ERBB4: variants seen among roughly 807,000 people sequenced by gnomAD.
ERBB4 encodes the protein receptor tyrosine-protein kinase erbB-4.
ERBB4 carries 42 observed loss-of-function variants against 158.0 expected under a neutral mutation model. That is an observed-to-expected ratio of 0.27 (90% CI 0.21 to 0.34). The LOEUF (loss-of-function observed/expected upper bound fraction) is 0.34. Ranked by LOEUF, ERBB4 falls within the 10% of genes least tolerant of loss-of-function variation. The pLI is 1.00. For missense variants in ERBB4, 1,333 were observed against 1,624.1 expected (o/e 0.82, Z 3.08); for synonymous variants, 583 against 558.7 (o/e 1.04, Z -0.61).
At chr2:211,899,214 G>A (rs1304693634) in intron 3 of ERBB4, among the ~76,000 whole-genome samples, 1 of 152,044 alleles carries the variant, frequency 6.6e-6, no homozygotes, top group Non-Finnish European at 1.5e-5. Context: ...AAACTTATGA[G>A]CACTCAAGGA....
rs565783881 is a variant in ERBB4 at position 212,444,085 on chromosome 2, A to G, written c.82+94364T>C. ...ACATGAGGAAGTGGCTCAAATGCCC[A>G]TGGTCTCCACTCCTGCTACCCTCCT... is the stretch of plus-strand genomic sequence containing the variant. On this transcript the variant is annotated intron_variant, in intron 1 of 27. Coordinates refer to ENST00000342788, the MANE Select transcript of ERBB4 (RefSeq NM_005235.3). Among the ~76,000 whole-genome samples the G allele has an allele frequency of 1.6e-4, 24 of 152,256 alleles. No individual in the cohort carries two copies. The East Asian group carries it at 3.7e-3, about 23-fold the overall frequency.
intron 1 of ERBB4, among the ~76,000 whole-genome samples, chr2:212,476,863 G>A (rs569026031): frequency 6.6e-6 from 1 of 152,040 alleles, no homozygotes; most frequent in African/African-American, 2.4e-5. Context: ...GCATCATCAC[G>A]AAGCAAAACC....
At chr2:212,133,406 TGTTTTGTTTTGTTTTTG>T (rs2080169254) in intron 1 of ERBB4, among the ~76,000 whole-genome samples, 1 of 57,356 alleles carries the variant, frequency 1.7e-5, no homozygotes, top group African/African-American at 3.5e-5. Flanking sequence ...GTTTTTTTTT[TGTTTTGTTTTGTTTTTG>T]TTTTTTTTTT....
chr2:212,514,944 T>G (rs980595554), intron 1 of ERBB4, among the ~76,000 whole-genome samples: 2 of 152,184 alleles, frequency 1.3e-5, no homozygotes, highest in African/African-American at 4.8e-5. Context: ...TTTTGAAAGA[T>G]TAACAGCTTC....
intron 19 of ERBB4, among the ~76,000 whole-genome samples, chr2:211,587,033 A>C (rs1038339473): frequency 6.6e-6 from 1 of 152,160 alleles, no homozygotes; most frequent in East Asian, 1.9e-4. Flanking sequence ...AAATCAAAAA[A>C]TTAAGTTGAA....
chr2:212,245,673 A>G (rs946105472), intron 1 of ERBB4, among the ~76,000 whole-genome samples: 2 of 152,130 alleles, frequency 1.3e-5, no homozygotes, highest in Non-Finnish European at 2.9e-5. Flanking sequence ...AAGGCCTGAT[A>G]TCAACTGCTG....
intron 1 of ERBB4, among the ~76,000 whole-genome samples, chr2:212,136,939 T>A (rs1294402769): frequency 6.6e-6 from 1 of 152,164 alleles, no homozygotes; most frequent in Non-Finnish European, 1.5e-5. Context: ...CATAGTCACA[T>A]TATTCTCTTG....
chr2:211,888,998 G>T (rs1402990021), intron 3 of ERBB4, among the ~76,000 whole-genome samples: 1 of 147,702 alleles, frequency 6.8e-6, no homozygotes, highest in Admixed American at 6.6e-5. Context: ...GCCCAGGCTT[G>T]CTTAGGTAAA....
intron 1 of ERBB4, among the ~76,000 whole-genome samples, chr2:212,173,533 C>G (rs1012747): frequency 0.88 from 134,039 of 152,156 alleles, 60,393 homozygotes; most frequent in African/African-American, 0.97. Context: ...GGCTAGAGCT[C>G]CCTAAAACAA....
chr2:212,193,027 C>T (rs150558964), intron 1 of ERBB4, among the ~76,000 whole-genome samples: 10 of 152,246 alleles, frequency 6.6e-5, no homozygotes, highest in East Asian at 1.9e-4. Context: ...TTACAATTAA[C>T]GGCAGGAAAA....
In ERBB4 at chr2:211,446,480, T is replaced by C. The variant is rs549853017; in HGVS notation, c.2488-15380A>G. 2.0e-5 allele frequency among the ~76,000 whole-genome samples: 3 copies of C among 152,224 alleles called. No individual in the cohort carries two copies. The South Asian group carries it at 6.2e-4, about 31-fold the overall frequency. ...TTCAAAGTGTCATGTATATGAGTTT[T>C]ATTTTTAAGAGTTTTCTATATGTAA... On this transcript the variant is annotated intron_variant, in intron 20 of 27. Coordinates refer to ENST00000342788, the MANE Select transcript of ERBB4 (RefSeq NM_005235.3).
chr2:211,738,110 G>A (rs1018682939), intron 5 of ERBB4, among the ~76,000 whole-genome samples: 1 of 151,832 alleles, frequency 6.6e-6, no homozygotes, highest in African/African-American at 2.4e-5. Flanking sequence ...TAGTCTACAT[G>A]GTGATTTTTA....
intron 1 of ERBB4, among the ~76,000 whole-genome samples, chr2:212,266,164 A>G (rs997833337): frequency 6.6e-6 from 1 of 151,542 alleles, no homozygotes. Context: ...TTATGCCTAG[A>G]GATGAAATTC....
intron 1 of ERBB4, among the ~76,000 whole-genome samples, chr2:212,455,817 A>G (rs896381733): frequency 1.3e-5 from 2 of 152,274 alleles, no homozygotes; most frequent in Admixed American, 6.5e-5. Context: ...AGTATGAAAA[A>G]ATTTATTGTT....
At chr2:212,529,123 A>G (rs1692607146) in intron 1 of ERBB4, among the ~76,000 whole-genome samples, 1 of 152,154 alleles carries the variant, frequency 6.6e-6, no homozygotes. Context: ...AAAGAAAGAA[A>G]AAGCTGGCAT....
At position 212,448,369 on chromosome 2, in the gene ERBB4, G is replaced by T. The variant is rs190249401; in HGVS notation, c.82+90080C>A. ...AAATCAAACTGTTTATACACTGTTT[G>T]AAAGATTCATTTCGGCCTTACATTT... On this transcript the variant is annotated intron_variant, in intron 1 of 27. Coordinates refer to ENST00000342788, the MANE Select transcript of ERBB4 (RefSeq NM_005235.3). Among the ~76,000 whole-genome samples, 74 of 152,266 alleles carry T rather than the reference G, an allele frequency of 4.9e-4. No individual in the cohort carries two copies. In the East Asian group the frequency reaches 5.0e-3, roughly 10 times the overall value.
In ERBB4 at chr2:211,423,993, T is replaced by C. The variant is rs150149071; in HGVS notation, c.2866+162A>G. ...CATAGCATGGAAGAGTATTACTTTA[T>C]ATTAATAATAGTCACAACAAAGAGG... On this transcript the variant is annotated intron_variant, in intron 23 of 27. Coordinates refer to ENST00000342788, the MANE Select transcript of ERBB4 (RefSeq NM_005235.3). Among the ~76,000 whole-genome samples the C allele has an allele frequency of 1.8e-3, 274 of 152,160 alleles. No individual in the cohort carries two copies. The highest frequency in any genetic ancestry group is 3.3e-3 in the Non-Finnish European group (221 of 67,926).
intron 2 of ERBB4, among the ~76,000 whole-genome samples, chr2:212,028,456 C>T (rs1224756126): frequency 6.6e-6 from 1 of 152,056 alleles, no homozygotes; most frequent in East Asian, 1.9e-4. Flanking sequence ...TTTTAAGTTT[C>T]AGAAAGACAA....
At chr2:211,584,808 T>C (rs1297898845) in intron 19 of ERBB4, among the ~76,000 whole-genome samples, 1 of 151,914 alleles carries the variant, frequency 6.6e-6, no homozygotes, top group Non-Finnish European at 1.5e-5. Context: ...TCTATGTATA[T>C]ACAAAATATA....
Sources: gnomAD v4.1 joint callset for allele counts (sites outside exome capture counted in the v4.1 genomes callset) on GRCh38, gnomAD v4.1.1 for gene constraint, MANE v1.5 for transcripts, NCBI Gene and HGNC (gene_info 2026-07-23, HGNC 2026-07-21) for gene names.